TCF4: variants seen among roughly 807,000 people sequenced by gnomAD.
TCF4 encodes SL3-3 enhancer factor 2.
A neutral mutation model predicts 82.1 loss-of-function variants in TCF4; 3 were observed. The ratio of observed to expected loss-of-function variants is 0.04; its 90% CI spans 0.02 to 0.09. The LOEUF (loss-of-function observed/expected upper bound fraction) is 0.09, where lower values mean the gene tolerates loss of function less well. TCF4 is among the 10% of genes least tolerant of loss of function. The pLI, the probability that TCF4 is intolerant of heterozygous loss-of-function variation, is 1.00. For synonymous variants in TCF4, 276 were observed against 309.6 expected (o/e 0.89, Z 1.14); for missense variants, 518 against 852.7 (o/e 0.61, Z 4.89).
chr18:55,425,848 ATGATCAGG>A (rs2147056602), intron 5 of TCF4, among the ~76,000 whole-genome samples: 1 of 152,282 alleles, frequency 6.6e-6, no homozygotes, highest in East Asian at 1.9e-4. Context: ...CTGAGGGATA[ATGATCAGG>A]TGCTACAGCT....
At chr18:55,233,142 T>C (rs571290662) in intron 16 of TCF4, among the ~76,000 whole-genome samples, 7 of 152,346 alleles carry the variant, frequency 4.6e-5, no homozygotes, top group African/African-American at 1.7e-4. Context: ...GCTTCTCTTA[T>C]TCTCAAGAAG....
intron 3 of TCF4, among the ~76,000 whole-genome samples, chr18:55,523,714 A>G (rs1011563295): frequency 1.3e-5 from 2 of 152,096 alleles, no homozygotes; most frequent in South Asian, 4.2e-4. Flanking sequence ...CGACTGTTAC[A>G]GTACTGAACT....
chr18:55,589,392 G>A, upstream of TCF4: 1 of 1,055,002 alleles, frequency 9.5e-7, no homozygotes, highest in Non-Finnish European at 1.1e-6. Flanking sequence ...TCTCACATGT[G>A]TATCCCCAAA....
chr18:55,430,219 T>A (rs187468141), intron 5 of TCF4, among the ~76,000 whole-genome samples: 2 of 152,282 alleles, frequency 1.3e-5, no homozygotes, highest in Non-Finnish European at 2.9e-5. Flanking sequence ...TCCCGTTGCA[T>A]TTTCTGGCTC....
chr18:55,508,097 C>T (rs888649725), intron 3 of TCF4, among the ~76,000 whole-genome samples: 3 of 152,004 alleles, frequency 2.0e-5, no homozygotes, highest in Non-Finnish European at 4.4e-5. Context: ...AAAAGGCAGC[C>T]GGGGAAATGT....
chr18:55,352,156 C>A (rs1178578905), intron 6 of TCF4: 2 of 154,046 alleles, frequency 1.3e-5, no homozygotes, highest in African/African-American at 2.4e-5. Flanking sequence ...GGTTAACCCG[C>A]TGAGAACTGA....
intron 8 of TCF4, among the ~76,000 whole-genome samples, chr18:55,282,426 T>C (rs1261117): frequency 0.11 from 15,991 of 152,032 alleles, 1,518 homozygotes; most frequent in African/African-American, 0.25. Flanking sequence ...ATGGTTTAAT[T>C]TTTCATAACC....
At chr18:55,590,465 AAGC>A (rs2097683172), upstream of TCF4, among the ~76,000 whole-genome samples, 1 of 152,248 alleles carries the variant, frequency 6.6e-6, no homozygotes, top group Non-Finnish European at 1.5e-5. Flanking sequence ...TTTGTGCCAT[AAGC>A]CACGACTGAC....
chr18:55,254,668 C>T lies in TCF4; in HGVS notation c.1179G>A (p.Leu393=). The T allele has an allele frequency of 6.2e-7, 1 of 1,612,888 alleles. No homozygotes were observed. The highest frequency in any genetic ancestry group is 8.5e-7 in the Non-Finnish European group (1 of 1,179,544). The change falls in exon 15 of 20, where the codon CTG becomes CTA. Residue 393 remains leucine, a synonymous_variant. Coordinates refer to ENST00000354452, the MANE Select transcript of TCF4 (RefSeq NM_001083962.2). The part of the protein sequence containing the change: ...QSRIEDRLER[L]DDAIHVLRNH... ...TCCGGAGAACATGAATAGCATCATC[C>T]AGTCTTTCTAAACGATCTTCAATTC...
chr18:55,464,857 G>A (rs899463127), intron 3 of TCF4, among the ~76,000 whole-genome samples: 7 of 152,088 alleles, frequency 4.6e-5, no homozygotes, highest in Non-Finnish European at 8.8e-5. Flanking sequence ...AGACCTACAT[G>A]AACCATCGAA....
chr18:55,401,817 C>T (rs2093837084), intron 6 of TCF4: 1 of 981,124 alleles, frequency 1.0e-6, no homozygotes, highest in African/African-American at 1.8e-5. Context: ...GAAGCCTATT[C>T]TCTCAATGAC....
chr18:55,275,550 T>C (rs1440313621), intron 10 of TCF4, 69 bp downstream of exon 10: 10 of 1,607,250 alleles, frequency 6.2e-6, no homozygotes, highest in Non-Finnish European at 4.3e-6. Context: ...TGTATATGCA[T>C]GGAAAGACAG....
chr18:55,446,970 G>C (rs2095536794), intron 5 of TCF4, among the ~76,000 whole-genome samples: 1 of 142,532 alleles, frequency 7.0e-6, no homozygotes, highest in African/African-American at 2.6e-5. Flanking sequence ...TGGGGACAGA[G>C]CGAGACTCTG....
intron 6 of TCF4, among the ~76,000 whole-genome samples, chr18:55,393,567 G>A (rs2093310557): frequency 6.6e-6 from 1 of 152,126 alleles, no homozygotes. Context: ...TGTAACCTTT[G>A]CATGTATTTA....
intron 2 of TCF4, among the ~76,000 whole-genome samples, chr18:55,615,506 G>A (rs2097710931): frequency 6.6e-6 from 1 of 151,604 alleles, no homozygotes; most frequent in African/African-American, 2.4e-5. Flanking sequence ...TTCCAATCTT[G>A]ATGCCTTTTA....
intron 3 of TCF4, among the ~76,000 whole-genome samples, chr18:55,557,153 C>T (rs1396225436): frequency 2.6e-5 from 4 of 152,168 alleles, no homozygotes; most frequent in African/African-American, 4.8e-5. Flanking sequence ...TGAAGTATGG[C>T]ATCAGTTGGA....
chr18:55,409,511 AT>A (rs1246252727), intron 5 of TCF4, among the ~76,000 whole-genome samples: 3 of 152,058 alleles, frequency 2.0e-5, no homozygotes, highest in African/African-American at 7.2e-5. Context: ...TTGGCTTTCA[AT>A]TTAGTTTTAT....
At chr18:55,571,394 AG>A (rs1312484083) in intron 3 of TCF4, among the ~76,000 whole-genome samples, 2 of 152,234 alleles carry the variant, frequency 1.3e-5, no homozygotes, top group African/African-American at 2.4e-5. Context: ...TACTTTAAAA[AG>A]GGCATGAGAA....
At chr18:55,609,986 T>A (rs1320446876) in intron 2 of TCF4, among the ~76,000 whole-genome samples, 2 of 152,208 alleles carry the variant, frequency 1.3e-5, no homozygotes, top group Non-Finnish European at 2.9e-5. Flanking sequence ...TTGCTTATTT[T>A]TTTTTTTAGT....
Sources: allele counts gnomAD v4.1 joint callset (sites outside exome capture counted in the v4.1 genomes callset), GRCh38; gene constraint gnomAD v4.1.1; transcripts MANE v1.5; gene names NCBI Gene and HGNC (gene_info 2026-07-23, HGNC 2026-07-21).